VPS13B: variants seen among roughly 807,000 people sequenced by gnomAD.
VPS13B encodes the protein vacuolar protein sorting 13 homolog B.
VPS13B carries 285 observed loss-of-function variants against 426.4 expected under a neutral mutation model. That is an observed-to-expected ratio of 0.67 (90% CI 0.61 to 0.74). VPS13B has a LOEUF of 0.74. Among genes scored for constraint, VPS13B ranks in the 30% least tolerant of loss-of-function variants. VPS13B has a pLI of 0.00. For synonymous variants in VPS13B, 1,676 were observed against 1,676.4 expected (o/e 1.00, Z 0.01); for missense variants, 4,537 against 4,782.6 (o/e 0.95, Z 1.51).
intron 33 of VPS13B, among the ~76,000 whole-genome samples, chr8:99,637,986 C>A (rs952161287): frequency 6.6e-6 from 1 of 152,008 alleles, no homozygotes; most frequent in African/African-American, 2.4e-5. Flanking sequence ...CTTGATTTCA[C>A]ATTTGACTGC....
intron 33 of VPS13B, among the ~76,000 whole-genome samples, chr8:99,640,091 G>GAAA (rs1314584268): frequency 6.8e-6 from 1 of 147,964 alleles, no homozygotes; most frequent in Non-Finnish European, 1.5e-5. Context: ...GAAAAGAAAA[G>GAAA]AAAAGAAAAG....
At chr8:99,234,490 A>G in intron 17 of VPS13B, 1 of 526,146 alleles carries the variant, frequency 1.9e-6, no homozygotes, top group East Asian at 5.3e-5. Context: ...CCCCGACTCT[A>G]CACGCCGGTA....
chr8:99,210,708 AG>A (rs1815037609), intron 17 of VPS13B, among the ~76,000 whole-genome samples: 1 of 152,024 alleles, frequency 6.6e-6, no homozygotes, highest in Non-Finnish European at 1.5e-5. Context: ...TGGGCTCAAA[AG>A]ATACTCCTAC....
chr8:99,129,771 T>C (rs535839101), intron 8 of VPS13B, among the ~76,000 whole-genome samples: 88 of 152,138 alleles, frequency 5.8e-4, no homozygotes, highest in Non-Finnish European at 8.5e-4. Context: ...TTCTGTTAAC[T>C]TGATTGTTGA....
At chr8:99,840,819 C>G (rs1815645347) in intron 54 of VPS13B, among the ~76,000 whole-genome samples, 1 of 152,172 alleles carries the variant, frequency 6.6e-6, no homozygotes, top group South Asian at 2.1e-4. Context: ...AGAGTTATGT[C>G]TACCCTCCAA....
At chr8:99,746,083 T>G (rs1050170473) in intron 39 of VPS13B, among the ~76,000 whole-genome samples, 22 of 152,072 alleles carry the variant, frequency 1.4e-4, no homozygotes, top group African/African-American at 4.6e-4. Context: ...GAAATTGGAT[T>G]ATTTGGCCTG....
intron 17 of VPS13B, among the ~76,000 whole-genome samples, chr8:99,260,801 A>G (rs1818000845): frequency 6.6e-6 from 1 of 152,062 alleles, no homozygotes; most frequent in Admixed American, 6.6e-5. Context: ...GTCCCCTTCC[A>G]AATAAAAATA....
chr8:99,678,827 A>G (rs1831045476), intron 35 of VPS13B, among the ~76,000 whole-genome samples: 1 of 152,228 alleles, frequency 6.6e-6, no homozygotes, highest in Non-Finnish European at 1.5e-5. Flanking sequence ...TCAAAAAAGC[A>G]GGATAAATGC....
In VPS13B at chr8:99,577,370, T is replaced by C. The variant is rs1045664714; in HGVS notation, c.5077-120T>C. 7.9e-5 allele frequency: 109 copies of C among 1,373,500 alleles called. 1 individual carries two copies. The East Asian group carries it at 2.5e-3, about 32-fold the overall frequency. The allele number at this position is 1,373,500 out of a possible 1,614,324, so 85.1% of individuals were successfully genotyped here. A position where few individuals can be genotyped will look rare whatever the true frequency, so the allele number is the denominator to read the frequency against. ...ACCATTTTTGCTCTTCTCCTTAATG[T>C]ATGAACTTGAGTCCTAGGAAATGTC... On this transcript the variant is annotated intron_variant, in intron 32 of 61. Transcript: ENST00000357162.
chr8:99,293,074 G>A (rs1178075812), intron 19 of VPS13B, among the ~76,000 whole-genome samples: 2 of 151,798 alleles, frequency 1.3e-5, no homozygotes, highest in African/African-American at 2.4e-5. Flanking sequence ...AAAAGAGCCC[G>A]CATCGCCAAG....
intron 17 of VPS13B, among the ~76,000 whole-genome samples, chr8:99,208,068 A>C (rs920165548): frequency 6.6e-6 from 1 of 152,186 alleles, no homozygotes; most frequent in Non-Finnish European, 1.5e-5. Flanking sequence ...TAAAACAGCA[A>C]ATTTATTTGT....
intron 40 of VPS13B, among the ~76,000 whole-genome samples, chr8:99,775,912 AG>A (rs1811719092): frequency 6.6e-6 from 1 of 152,136 alleles, no homozygotes; most frequent in Admixed American, 6.5e-5. Flanking sequence ...CAAAAAAAAA[AG>A]AAAAGATTTA....
chr8:99,072,343 C>T (rs900855896), intron 3 of VPS13B, among the ~76,000 whole-genome samples: 1 of 152,286 alleles, frequency 6.6e-6, no homozygotes, highest in Non-Finnish European at 1.5e-5. Context: ...AGTGGGTTTT[C>T]TTCTGGCCCA....
At chr8:99,403,954 C>G (rs947127673) in intron 21 of VPS13B, among the ~76,000 whole-genome samples, 2 of 152,130 alleles carry the variant, frequency 1.3e-5, no homozygotes, top group African/African-American at 2.4e-5. Flanking sequence ...AGATTGCAGA[C>G]TTTACAACAG....
chr8:99,129,158 A>G (rs1327351984), intron 8 of VPS13B, among the ~76,000 whole-genome samples: 1 of 152,106 alleles, frequency 6.6e-6, no homozygotes, highest in Non-Finnish European at 1.5e-5. Context: ...TAGCTGTACT[A>G]TTTTAACATC....
intron 2 of VPS13B, among the ~76,000 whole-genome samples, chr8:99,019,754 T>C (rs1841797399): frequency 6.6e-6 from 1 of 152,230 alleles, no homozygotes; most frequent in South Asian, 2.1e-4. Context: ...TCTTTCGTTA[T>C]TGGCATATTT....
intron 3 of VPS13B, among the ~76,000 whole-genome samples, chr8:99,081,347 T>TC (rs1563526929): frequency 6.6e-6 from 1 of 152,206 alleles, no homozygotes; most frequent in Non-Finnish European, 1.5e-5. Flanking sequence ...TCCCCCATCC[T>TC]CAATGTTTTT....
At chr8:99,702,444 G>A (rs747746798) in intron 36 of VPS13B, among the ~76,000 whole-genome samples, 2 of 152,102 alleles carry the variant, frequency 1.3e-5, no homozygotes, top group African/African-American at 2.4e-5. Context: ...ACTATTAAAC[G>A]AAAGAAAAAG....
intron 17 of VPS13B, among the ~76,000 whole-genome samples, chr8:99,205,677 T>C (rs1474792823): frequency 1.3e-5 from 2 of 152,352 alleles, no homozygotes; most frequent in Middle Eastern, 3.4e-3. Context: ...CATTTATTAA[T>C]TTCATTGGCT....
Sources: allele counts gnomAD v4.1 joint callset (sites outside exome capture counted in the v4.1 genomes callset), GRCh38; gene constraint gnomAD v4.1.1; transcripts MANE v1.5; gene names NCBI Gene and HGNC (gene_info 2026-07-23, HGNC 2026-07-21).